DSCAML1: variants seen among roughly 807,000 people sequenced by gnomAD.
The protein encoded by DSCAML1 is cell adhesion molecule DSCAML1.
A neutral mutation model predicts 200.5 loss-of-function variants in DSCAML1; 38 were observed. The observed-to-expected ratio is 0.19, with a 90% CI of 0.15 to 0.25. The LOEUF is 0.25. Among genes scored for constraint, DSCAML1 ranks in the 10% least tolerant of loss-of-function variants. DSCAML1 has a pLI of 1.00. For missense variants in DSCAML1, 2,223 were observed against 2,858.8 expected, an observed-to-expected ratio of 0.78 and a Z score of 5.07; for synonymous variants, 1,215 against 1,165.0, an observed-to-expected ratio of 1.04 and a Z score of -0.87.
Position 117,581,788 on chromosome 11 carries a change from G to A in DSCAML1, c.512-49266C>T, listed in dbSNP as rs1196972573. ...TGCAGCTGGTAAGTGATGAAGCCAC[G>A]ATTTAAGCTCAGAGTTTCTAACCCA... On this transcript the variant is annotated intron_variant, in intron 3 of 32. Coordinates refer to ENST00000651296, the MANE Select transcript of DSCAML1 (RefSeq NM_020693.4). Among the ~76,000 whole-genome samples, 8 of 152,170 alleles carry A rather than the reference G, an allele frequency of 5.3e-5. No homozygotes were observed. In the East Asian group the frequency reaches 5.8e-4, roughly 11 times the overall value.
intron 24 of DSCAML1, among the ~76,000 whole-genome samples, 177 bp from the exon 25 acceptor site, chr11:117,438,260 C>T (rs1201722500): frequency 6.6e-6 from 1 of 152,058 alleles, no homozygotes; most frequent in African/African-American, 2.4e-5. Flanking sequence ...CCCCAGTCAA[C>T]TCTCTATGTT....
At chr11:117,571,844 C>T (rs1325305062) in intron 3 of DSCAML1, among the ~76,000 whole-genome samples, 1 of 152,134 alleles carries the variant, frequency 6.6e-6, no homozygotes, top group East Asian at 1.9e-4. Flanking sequence ...AAAGACCTTG[C>T]TGATAAAACA....
intron 16 of DSCAML1, among the ~76,000 whole-genome samples, chr11:117,468,033 G>A (rs902716032): frequency 1.3e-5 from 2 of 152,226 alleles, no homozygotes; most frequent in Admixed American, 6.5e-5. Flanking sequence ...CATCCAGATA[G>A]ATTCACATAT....
chr11:117,428,548 G>A lies in DSCAML1; in HGVS notation c.5942C>T (p.Ala1981Val), dbSNP rs1419394818. Reference sequence around the variant, plus strand: ...GCCGGGGGCTGGGGGGGCTGTGCCGGCTGGGGGGGCTGGCATGGCCAGAGT... The same window carrying A: ...GCCGGGGGCTGGGGGGGCTGTGCCGACTGGGGGGGCTGGCATGGCCAGAGT... ...QRTLAMPAPP[A>V]GTAPPAPGPT... Residue 1981 changes from alanine (A) to valine (V), a missense_variant, in exon 33 of 33, where the codon GCC becomes GTC. Ala to Val is a moderately conservative substitution (Grantham distance 64, BLOSUM62 0). Coordinates refer to ENST00000651296, the MANE Select transcript of DSCAML1 (RefSeq NM_020693.4). 1.3e-6 allele frequency: 2 copies of A among 1,537,028 alleles called. No individual in the cohort carries two copies. The highest frequency in any genetic ancestry group is 8.8e-7 in the Non-Finnish European group (1 of 1,136,780).
chr11:117,442,460 C>CGTGCAT (rs890879423), intron 21 of DSCAML1, among the ~76,000 whole-genome samples: 5 of 150,644 alleles, frequency 3.3e-5, no homozygotes, highest in African/African-American at 4.9e-5. Flanking sequence ...AGTGTGTGCG[C>CGTGCAT]GTGCATATGC....
Position 117,450,604 on chromosome 11 carries a change from T to C in DSCAML1, c.3653A>G (p.Asn1218Ser). 1 of 1,614,186 alleles carries C rather than the reference T, an allele frequency of 6.2e-7. No individual in the cohort carries two copies. Among genetic ancestry groups the C allele is most frequent in the Non-Finnish European group, 8.5e-7 (1 of 1,180,030 alleles). ...VVSWLPPTKPNGVIRKYTIFC... is the reference protein window; with the variant it reads ...VVSWLPPTKPSGVIRKYTIFC... The stretch of plus-strand genomic sequence containing the variant: ...GATGGTGTACTTGCGGATCACCCCG[T>C]TGGGCTTGGTAGGGGGGAGCCAAGA... Residue 1218 changes from asparagine (N) to serine (S), a missense_variant, in exon 20 of 33, where the codon AAC (asparagine) becomes AGC (serine). Physicochemically the swap from Asn to Ser is conservative, Grantham distance 46. Around this residue, in one of 7 missense-constraint regions of DSCAML1, gnomAD observed 438 missense variants for 629.7 expected, o/e 0.70. Coordinates refer to ENST00000651296, the MANE Select transcript of DSCAML1 (RefSeq NM_020693.4).
At chr11:117,743,108 TA>T (rs1565257664) in intron 3 of DSCAML1, among the ~76,000 whole-genome samples, 3 of 152,150 alleles carry the variant, frequency 2.0e-5, no homozygotes, top group Admixed American at 2.0e-4. Flanking sequence ...GGAGAGAGAA[TA>T]CAGAGAAAAT....
At chr11:117,752,179 GC>G (rs1286919576) in intron 3 of DSCAML1, among the ~76,000 whole-genome samples, 10 of 152,206 alleles carry the variant, frequency 6.6e-5, no homozygotes, top group African/African-American at 2.4e-4. Flanking sequence ...ATTCCAGGAG[GC>G]CTCTTGCACG....
intron 3 of DSCAML1, among the ~76,000 whole-genome samples, chr11:117,771,064 C>G (rs982697092): frequency 1.3e-5 from 2 of 152,172 alleles, no homozygotes; most frequent in Non-Finnish European, 2.9e-5. Context: ...CACTCTCCAG[C>G]TCTCAGTCTG....
At chr11:117,733,050 T>C (rs180977637) in intron 3 of DSCAML1, among the ~76,000 whole-genome samples, 12 of 152,178 alleles carry the variant, frequency 7.9e-5, no homozygotes, top group African/African-American at 2.6e-4. Flanking sequence ...TATTTTTAAA[T>C]AGGAATATCA....
chr11:117,654,068 T>A lies in DSCAML1; in HGVS notation c.512-121546A>T, dbSNP rs577410168. On this transcript the variant is annotated intron_variant, in intron 3 of 32. Transcript: ENST00000651296. ...ATATAGATAAGCCTTCAAAACATTA[T>A]GCTAAGTGAAAGAAGTCAGACGTGG... Among the ~76,000 whole-genome samples, 83 of 152,324 alleles carry A rather than the reference T, an allele frequency of 5.4e-4. 2 individuals are homozygous for A. In the South Asian group the frequency reaches 0.016, roughly 30 times the overall value.
At chr11:117,633,889 G>A (rs980141568) in intron 3 of DSCAML1, among the ~76,000 whole-genome samples, 11 of 152,152 alleles carry the variant, frequency 7.2e-5, no homozygotes, top group South Asian at 2.1e-4. Flanking sequence ...CAGGGCAGGC[G>A]CTTTGGCATG....
chr11:117,647,213 G>T (rs991538663), intron 3 of DSCAML1, among the ~76,000 whole-genome samples: 2 of 152,244 alleles, frequency 1.3e-5, no homozygotes, highest in Admixed American at 6.5e-5. Context: ...ATAGACATGG[G>T]AAAGAAGGTG....
At chr11:117,724,357 C>T (rs913613695) in intron 3 of DSCAML1, among the ~76,000 whole-genome samples, 4 of 151,910 alleles carry the variant, frequency 2.6e-5, no homozygotes, top group Non-Finnish European at 5.9e-5. Context: ...TGGACTGGAG[C>T]GGGAAAGAAG....
intron 3 of DSCAML1, among the ~76,000 whole-genome samples, chr11:117,687,923 C>T (rs556563383): frequency 2.0e-5 from 3 of 152,282 alleles, no homozygotes; most frequent in Admixed American, 1.3e-4. Context: ...AGATGGGCCA[C>T]GTGGTCCAAG....
In DSCAML1 at chr11:117,536,612, C is replaced by T. The variant is rs181604086; in HGVS notation, c.512-4090G>A. Among the ~76,000 whole-genome samples the T allele has an allele frequency of 2.2e-3, 341 of 152,324 alleles. 4 individuals carry two copies. Among genetic ancestry groups the T allele is most frequent in the Middle Eastern group, 0.01 (3 of 294 alleles). ...GCTTGAGTCACAAAGAACTGTTCCA[C>T]CCCAAATGCCAACAGTGTCCCTGTG... On this transcript the variant is annotated intron_variant, in intron 3 of 32. Transcript: ENST00000651296.
At chr11:117,782,098 T>C (rs1261045968) in intron 1 of DSCAML1, among the ~76,000 whole-genome samples, 9 of 152,202 alleles carry the variant, frequency 5.9e-5, no homozygotes, top group Non-Finnish European at 7.3e-5. Flanking sequence ...CAAACCACTC[T>C]GCTGCTTGTT....
At chr11:117,529,006 G>A (rs1660849599) in intron 4 of DSCAML1, among the ~76,000 whole-genome samples, 1 of 140,922 alleles carries the variant, frequency 7.1e-6, no homozygotes, top group Admixed American at 8.0e-5. Flanking sequence ...AATAATAGTA[G>A]CAGCTACTGT....
intron 3 of DSCAML1, among the ~76,000 whole-genome samples, chr11:117,747,997 C>T (rs557561068): frequency 6.6e-5 from 10 of 152,206 alleles, no homozygotes; most frequent in Non-Finnish European, 1.2e-4. Context: ...GTTTCCCTTC[C>T]GCAAGTCCCA....
Sources: gnomAD v4.1 joint callset for allele counts (sites outside exome capture counted in the v4.1 genomes callset) on GRCh38, gnomAD v4.1.1 for gene constraint, gnomAD v4.1.1 regional missense constraint, MANE v1.5 for transcripts, NCBI Gene and HGNC (gene_info 2026-07-23, HGNC 2026-07-21) for gene names.